RTN4IP1: variants seen among roughly 807,000 people sequenced by gnomAD.
RTN4IP1 encodes reticulon 4 interacting protein 1.
A neutral mutation model predicts 46.6 loss-of-function variants in RTN4IP1; 32 were observed. The observed-to-expected ratio is 0.69, with a 90% CI of 0.52 to 0.92. The LOEUF is 0.92. Among genes scored for constraint, RTN4IP1 ranks in the 40% least tolerant of loss-of-function variants. The probability of loss-of-function intolerance (pLI) is 0.00; values close to 1 mark genes in which losing one functional copy is unlikely to be tolerated. For missense variants in RTN4IP1, 424 were observed against 485.8 expected (o/e 0.87, Z 1.20); for synonymous variants, 167 against 161.8 (o/e 1.03, Z -0.24).
intron 8 of RTN4IP1, among the ~76,000 whole-genome samples, chr6:106,581,604 G>A (rs1479539024): frequency 6.6e-6 from 1 of 152,216 alleles, no homozygotes; most frequent in Non-Finnish European, 1.5e-5. Flanking sequence ...GCTTGTGCAG[G>A]AGAGGAGAAT....
At chr6:106,600,430 A>G (rs1200412899) in intron 5 of RTN4IP1, among the ~76,000 whole-genome samples, 1 of 152,040 alleles carries the variant, frequency 6.6e-6, no homozygotes, top group Non-Finnish European at 1.5e-5. Context: ...CATATATATC[A>G]CCATTTTCAC....
At chr6:106,608,010 T>C (rs1449991181) in intron 4 of RTN4IP1, among the ~76,000 whole-genome samples, 1 of 152,178 alleles carries the variant, frequency 6.6e-6, no homozygotes, top group East Asian at 1.9e-4. Flanking sequence ...ATCAGTCATA[T>C]CAAAGAGATA....
intron 7 of RTN4IP1, 141 bp from the exon 8 acceptor site, chr6:106,583,561 TTGGC>T: frequency 1.6e-6 from 1 of 634,930 alleles, no homozygotes. Context: ...GCACAGCACC[TTGGC>T]ACAATGACTG....
At chr6:106,573,536 C>T (rs138925994) in intron 8 of RTN4IP1, among the ~76,000 whole-genome samples, 95 of 152,360 alleles carry the variant, frequency 6.2e-4, no homozygotes, top group Non-Finnish European at 8.8e-5. Context: ...ACATACTGGC[C>T]TCACTATGTG....
At chr6:106,588,448 A>G (rs982612684) in intron 6 of RTN4IP1, among the ~76,000 whole-genome samples, 2 of 152,224 alleles carry the variant, frequency 1.3e-5, no homozygotes, top group African/African-American at 4.8e-5. Context: ...GAAATTTTCT[A>G]TCATTTGGTT....
intron 4 of RTN4IP1, among the ~76,000 whole-genome samples, chr6:106,616,306 TACTC>T (rs1399397202): frequency 6.6e-6 from 1 of 152,204 alleles, no homozygotes; most frequent in Non-Finnish European, 1.5e-5. Flanking sequence ...GGTTCACTGA[TACTC>T]AGCTGCTGCA....
chr6:106,611,811 T>G (rs138174924), intron 4 of RTN4IP1, among the ~76,000 whole-genome samples: 21 of 152,338 alleles, frequency 1.4e-4, no homozygotes, highest in African/African-American at 4.8e-4. Flanking sequence ...AGAGTTTGTG[T>G]GTGAATTAAA....
chr6:106,624,179 C>T (rs1776570694), intron 1 of RTN4IP1, among the ~76,000 whole-genome samples: 1 of 152,000 alleles, frequency 6.6e-6, no homozygotes, highest in African/African-American at 2.4e-5. Flanking sequence ...CCTCAGCCTC[C>T]CGAGTAGCTG....
At chr6:106,602,400 A>G (rs1775970324) in intron 5 of RTN4IP1, among the ~76,000 whole-genome samples, 1 of 152,162 alleles carries the variant, frequency 6.6e-6, no homozygotes. Flanking sequence ...GAATCAGCTT[A>G]CCAATTTCTA....
Position 106,587,873 on chromosome 6 carries a change from A to G in RTN4IP1, c.807-11T>C. On this transcript the variant is annotated splice_polypyrimidine_tract_variant and intron_variant, in intron 6 of 8. Coordinates refer to ENST00000369063, the MANE Select transcript of RTN4IP1 (RefSeq NM_032730.5). ...AGGATAAAATCAAATCTGGAGAGGAAGAACCAAATCAAAACATGGTTGTCA... is the reference window on the plus strand; with the variant it reads ...AGGATAAAATCAAATCTGGAGAGGAGGAACCAAATCAAAACATGGTTGTCA... The G allele has an allele frequency of 1.2e-6, 2 of 1,605,094 alleles. No homozygotes were observed. Among genetic ancestry groups the G allele is most frequent in the South Asian group, 2.2e-5 (2 of 90,224 alleles).
chr6:106,622,504 C>T (rs1776507493), intron 2 of RTN4IP1, among the ~76,000 whole-genome samples: 2 of 152,172 alleles, frequency 1.3e-5, no homozygotes, highest in South Asian at 4.1e-4. Context: ...AGTTTGTTTA[C>T]TCAAGTGGTC....
chr6:106,609,458 G>A (rs1384505285), intron 4 of RTN4IP1, among the ~76,000 whole-genome samples: 1 of 152,182 alleles, frequency 6.6e-6, no homozygotes, highest in Non-Finnish European at 1.5e-5. Context: ...GAGCCCAGGA[G>A]TTTGAGGCTG....
intron 5 of RTN4IP1, among the ~76,000 whole-genome samples, chr6:106,594,501 T>C (rs1775735281): frequency 6.6e-6 from 1 of 151,282 alleles, no homozygotes; most frequent in Non-Finnish European, 1.5e-5. Flanking sequence ...CAGAGTGAGA[T>C]TCTGTCTCAA....
upstream of RTN4IP1, among the ~76,000 whole-genome samples, chr6:106,630,355 G>C (rs761349041): frequency 1.4e-4 from 22 of 151,898 alleles, no homozygotes; most frequent in Non-Finnish European, 2.9e-4. Context: ...AAAAAGCTCT[G>C]GTATTTCTGA....
At chr6:106,607,665 T>G (rs1309304445) in intron 4 of RTN4IP1, 1 of 152,030 alleles carries the variant, frequency 6.6e-6, no homozygotes, top group Non-Finnish European at 1.5e-5. Context: ...CAAACCACAA[T>G]GAGATCTCTC....
At chr6:106,596,241 T>C (rs1209338824) in intron 5 of RTN4IP1, among the ~76,000 whole-genome samples, 1 of 152,196 alleles carries the variant, frequency 6.6e-6, no homozygotes, top group Non-Finnish European at 1.5e-5. Context: ...AGAAATGATA[T>C]TTCAAGTGAT....
chr6:106,606,892 T>C (rs1330236068), intron 4 of RTN4IP1, among the ~76,000 whole-genome samples: 1 of 152,154 alleles, frequency 6.6e-6, no homozygotes, highest in Non-Finnish European at 1.5e-5. Flanking sequence ...TTCACAGAAA[T>C]TTTTTAAATC....
intron 4 of RTN4IP1, among the ~76,000 whole-genome samples, chr6:106,606,676 TG>T (rs996874586): frequency 6.6e-6 from 1 of 151,570 alleles, no homozygotes; most frequent in Non-Finnish European, 1.5e-5. Context: ...GGATGCCAAG[TG>T]GGGGAGGATC....
At chr6:106,591,787 C>T (rs866286933) in intron 6 of RTN4IP1, among the ~76,000 whole-genome samples, 12 of 152,040 alleles carry the variant, frequency 7.9e-5, no homozygotes, top group East Asian at 1.9e-4. Context: ...AGCCAAAACA[C>T]GAAAGTATGT....
Sources: allele counts gnomAD v4.1 joint callset (sites outside exome capture counted in the v4.1 genomes callset), GRCh38; gene constraint gnomAD v4.1.1; transcripts MANE v1.5; gene names NCBI Gene and HGNC (gene_info 2026-07-23, HGNC 2026-07-21).